Variants in FBLIM1 observed in about 807,000 individuals in gnomAD.
The protein encoded by FBLIM1 is filamin-binding LIM protein 1.
A neutral mutation model predicts 37.4 loss-of-function variants in FBLIM1; 29 were observed. The observed-to-expected ratio is 0.77, with a 90% confidence interval of 0.58 to 1.06. FBLIM1 has a LOEUF of 1.06. FBLIM1 is among the 50% of genes least tolerant of loss of function. The pLI is 0.00. For synonymous variants in FBLIM1, 193 were observed against 199.0 expected, an observed-to-expected ratio of 0.97 and a Z score of 0.25; for missense variants, 449 against 505.6, an observed-to-expected ratio of 0.89 and a Z score of 1.07.
intron 6 of FBLIM1, among the ~76,000 whole-genome samples, chr1:15,771,054 C>T (rs535509681): frequency 1.6e-4 from 24 of 152,202 alleles, no homozygotes; most frequent in African/African-American, 5.8e-4. Flanking sequence ...ATTCTCCTGC[C>T]TCAGCCTCCC....
At position 15,782,550 on chromosome 1, in the gene FBLIM1, G is replaced by A. The variant is rs933583582; in HGVS notation, c.1009-1998G>A. Among the ~76,000 whole-genome samples, 3 of 152,098 alleles carry A rather than the reference G, an allele frequency of 2.0e-5. No homozygotes were observed. In the East Asian group the frequency reaches 5.8e-4, roughly 29 times the overall value. Reference sequence around the variant, plus strand: ...GGTTGTGAGACTTGGTGGTAGATAAGGTGTTTCTTCCAATTGGTTCTAATT... The same window carrying A: ...GGTTGTGAGACTTGGTGGTAGATAAAGTGTTTCTTCCAATTGGTTCTAATT... On this transcript the variant is annotated intron_variant, in intron 8 of 8. Coordinates refer to ENST00000375766, the MANE Select transcript of FBLIM1 (RefSeq NM_017556.4).
chr1:15,772,866 C>T (rs1299710037), intron 6 of FBLIM1, among the ~76,000 whole-genome samples: 4 of 152,110 alleles, frequency 2.6e-5, no homozygotes, highest in South Asian at 2.1e-4. Context: ...CAATAACATG[C>T]GTGCACTGAA....
At position 15,785,736 on chromosome 1, in the gene FBLIM1, G is replaced by C. The variant is rs564074378; in HGVS notation, c.*1075G>C. On this transcript the variant is annotated 3_prime_UTR_variant, in exon 9 of 9. Coordinates refer to ENST00000375766, the MANE Select transcript of FBLIM1 (RefSeq NM_017556.4). ...ATAATAGCAAACACCCCCTTGGTTC[G>C]CACATGTACAGGAATGGGACCCAGT... The C allele has an allele frequency of 2.6e-5, 4 of 152,364 alleles. No homozygotes were observed. Among genetic ancestry groups the C allele is most frequent in the African/African-American group, 9.6e-5 (4 of 41,580 alleles). 9.4% of individuals were successfully genotyped at this position (152,364 alleles called of 1,614,324 possible). A position where few individuals can be genotyped will look rare whatever the true frequency, so the allele number is the denominator to read the frequency against.
chr1:15,778,776 G>T (rs564838985), intron 8 of FBLIM1, among the ~76,000 whole-genome samples: 47 of 152,158 alleles, frequency 3.1e-4, no homozygotes, highest in African/African-American at 1.1e-3. Flanking sequence ...GAGTAATTGG[G>T]ATTACAGGCA....
intron 1 of FBLIM1, among the ~76,000 whole-genome samples, chr1:15,759,123 G>A (rs1271000677): frequency 6.6e-6 from 1 of 151,986 alleles, no homozygotes; most frequent in African/African-American, 2.4e-5. Context: ...CCGGGAGCGG[G>A]AGCCGGGGAC....
At chr1:15,770,112 A>C (rs1307189351) in intron 5 of FBLIM1, among the ~76,000 whole-genome samples, 1 of 150,932 alleles carries the variant, frequency 6.6e-6, no homozygotes, top group Non-Finnish European at 1.5e-5. Context: ...ATGCCCGGCT[A>C]ATTTTTGTAT....
intron 1 of FBLIM1, among the ~76,000 whole-genome samples, 185 bp from the exon 2 acceptor site, chr1:15,764,311 T>G: frequency 6.6e-6 from 1 of 152,328 alleles, no homozygotes; most frequent in South Asian, 2.1e-4. Flanking sequence ...TGCAGCCACC[T>G]TGTGAGTGTT....
At chr1:15,780,547 C>T (rs750951890) in intron 8 of FBLIM1, among the ~76,000 whole-genome samples, 1 of 152,124 alleles carries the variant, frequency 6.6e-6, no homozygotes, top group African/African-American at 2.4e-5. Context: ...TGTCCTAGAT[C>T]GTACAAATTA....
At chr1:15,771,956 CTG>C (rs1216033894) in intron 6 of FBLIM1, among the ~76,000 whole-genome samples, 2 of 152,034 alleles carry the variant, frequency 1.3e-5, no homozygotes, top group East Asian at 3.9e-4. Flanking sequence ...TCACGGGAAT[CTG>C]TGTTGCTTCC....
chr1:15,764,702 G>C lies in FBLIM1; in HGVS notation c.-21+17G>C, dbSNP rs1569737696. On this transcript the variant is annotated intron_variant, in intron 2 of 8. Coordinates refer to ENST00000375766, the MANE Select transcript of FBLIM1 (RefSeq NM_017556.4). The stretch of plus-strand genomic sequence containing the variant: ...TGATCATTGGTGAGGGCTGCCCTTT[G>C]CTCCCCTAGGTGTGCAGGTTCGGGG... The C allele has an allele frequency of 4.2e-6, 2 of 480,310 alleles. No homozygotes were observed. The highest frequency in any genetic ancestry group is 3.3e-5 in the South Asian group (1 of 30,622). 29.8% of individuals were successfully genotyped at this position (480,310 alleles called of 1,614,324 possible).
In FBLIM1 at chr1:15,770,395, C is replaced by G. The variant is rs2069143866; in HGVS notation, c.542-14C>G. The G allele has an allele frequency of 3.1e-6, 5 of 1,608,944 alleles. No homozygotes were observed. In the East Asian group the frequency reaches 1.1e-4, roughly 36 times the overall value. Reference sequence around the variant, plus strand: ...AGGCTGGGCTGGTGATGGCCTGTGTCTCCCCTACCCCAGACATCTGTGCCT... The same window carrying G: ...AGGCTGGGCTGGTGATGGCCTGTGTGTCCCCTACCCCAGACATCTGTGCCT... On this transcript the variant is annotated splice_polypyrimidine_tract_variant and intron_variant, in intron 5 of 8. Transcript: ENST00000375766.
chr1:15,768,629 A>G lies in FBLIM1; in HGVS notation c.540A>G (p.Thr180=). 3 of 1,608,516 alleles carry G rather than the reference A, an allele frequency of 1.9e-6. No individual in the cohort carries two copies. The highest frequency in any genetic ancestry group is 2.5e-6 in the Non-Finnish European group (3 of 1,177,910). The change falls in exon 5 of 9, where the codon ACA becomes ACG. Residue 180 remains threonine, a splice_region_variant and synonymous_variant. Coordinates refer to ENST00000375766, the MANE Select transcript of FBLIM1 (RefSeq NM_017556.4). ...PAEPVEKGAS[T]DICAFCHKTV... is the part of the protein sequence containing the mutation. ...AACCTGTTGAGAAAGGGGCATCCAC[A>G]GGTAGGTGCACAGGGCTGAGAGGAT...
At chr1:15,760,622 G>A (rs1451647285) in intron 1 of FBLIM1, among the ~76,000 whole-genome samples, 5 of 151,556 alleles carry the variant, frequency 3.3e-5, no homozygotes, top group Non-Finnish European at 5.9e-5. Context: ...CAAGGAGTAG[G>A]AAGGAGGACT....
chr1:15,769,123 T>A (rs1279335680), intron 5 of FBLIM1, among the ~76,000 whole-genome samples: 3 of 152,222 alleles, frequency 2.0e-5, no homozygotes, highest in African/African-American at 7.2e-5. Context: ...CAAACTAGGC[T>A]CTTCTGCTGT....
Position 15,784,639 on chromosome 1 carries a change from G to A in FBLIM1, c.1100G>A (p.Arg367Gln), listed in dbSNP as rs1328832172. The A allele has an allele frequency of 5.6e-6, 9 of 1,614,018 alleles. No homozygotes were observed. The highest frequency in any genetic ancestry group is 3.3e-5 in the Admixed American group (2 of 60,012). Residue 367 changes from arginine (R) to glutamine (Q), a missense_variant, in exon 9 of 9, where the codon CGG (arginine) becomes CAG (glutamine). Coordinates refer to ENST00000375766, the MANE Select transcript of FBLIM1 (RefSeq NM_017556.4). ...HLFCKPCHVK[R>Q]SAAGCC ...TTCTGCAAGCCATGCCATGTGAAGC[G>A]GAGTGCTGCGGGGTGCTGCTGAGAG...
intron 1 of FBLIM1, among the ~76,000 whole-genome samples, chr1:15,759,962 G>C (rs1033346312): frequency 6.6e-6 from 1 of 152,234 alleles, no homozygotes; most frequent in East Asian, 1.9e-4. Flanking sequence ...GGTGGCTCAC[G>C]CCTGTAATCC....
chr1:15,768,696 A>G, intron 5 of FBLIM1, 66 bp downstream of exon 5: 1 of 1,336,754 alleles, frequency 7.5e-7, no homozygotes, highest in Non-Finnish European at 1.0e-6. Flanking sequence ...TTCCAGGTAG[A>G]AACCAAGAGA....
intron 8 of FBLIM1, among the ~76,000 whole-genome samples, chr1:15,783,168 G>A (rs547770392): frequency 6.6e-6 from 1 of 152,262 alleles, no homozygotes; most frequent in East Asian, 1.9e-4. Context: ...CGCGCAAATT[G>A]TCCCCCCTGT....
intron 3 of FBLIM1, among the ~76,000 whole-genome samples, chr1:15,766,535 G>T (rs1203737434): frequency 6.6e-6 from 1 of 151,904 alleles, no homozygotes; most frequent in Non-Finnish European, 1.5e-5. Context: ...GACCTCAGGT[G>T]ATCTGCCCGC....
Sources: gnomAD v4.1 joint callset for allele counts (sites outside exome capture counted in the v4.1 genomes callset) on GRCh38, gnomAD v4.1.1 for gene constraint, MANE v1.5 for transcripts, NCBI Gene and HGNC (gene_info 2026-07-23, HGNC 2026-07-21) for gene names.